Variants in ORAI2 observed in about 807,000 individuals in gnomAD.
The protein encoded by ORAI2 is protein orai-2.
ORAI2 carries 10 observed loss-of-function variants against 16.2 expected under a neutral mutation model. The observed-to-expected ratio is 0.62, with a 90% CI of 0.38 to 1.04. ORAI2 has a LOEUF of 1.04. Among genes scored for constraint, ORAI2 ranks in the 50% least tolerant of loss-of-function variants. The pLI is 0.01. For missense variants in ORAI2, 238 were observed against 355.5 expected (o/e 0.67, Z 2.66); for synonymous variants, 150 against 157.5 (o/e 0.95, Z 0.35).
At position 102,447,755 on chromosome 7, in the gene ORAI2, C is replaced by T. The variant is rs1437907133; in HGVS notation, c.*703C>T. The T allele has an allele frequency of 6.6e-6, 1 of 152,396 alleles. No individual in the cohort carries two copies. The highest frequency in any genetic ancestry group is 1.5e-5 in the Non-Finnish European group (1 of 68,186). 9.4% of individuals were successfully genotyped at this position (152,396 alleles called of 1,614,324 possible). On this transcript the variant is annotated 3_prime_UTR_variant, in exon 4 of 4. Transcript: ENST00000495936. The stretch of plus-strand genomic sequence containing the variant: ...AGAAGACATGTTCACGGGCATCTAT[C>T]AGATGCCCCCTTGAGGAGGCTGAGT...
chr7:102,436,790 A>G (rs1797070989), intron 2 of ORAI2, among the ~76,000 whole-genome samples: 1 of 151,980 alleles, frequency 6.6e-6, no homozygotes, highest in South Asian at 2.1e-4. Flanking sequence ...GGCTCACTGC[A>G]ACCTCCGCCT....
At chr7:102,446,210 A>G (rs1797358772) in intron 3 of ORAI2, among the ~76,000 whole-genome samples, 1 of 152,232 alleles carries the variant, frequency 6.6e-6, no homozygotes, top group African/African-American at 2.4e-5. Context: ...TGGCCTCTCA[A>G]AGTGCTGGGA....
At chr7:102,441,679 T>C (rs1025133437) in intron 3 of ORAI2, among the ~76,000 whole-genome samples, 1 of 152,072 alleles carries the variant, frequency 6.6e-6, no homozygotes, top group African/African-American at 2.4e-5. Context: ...TTTTGTTTTT[T>C]TCCCCCAAGT....
chr7:102,451,289 G>A lies in ORAI2; in HGVS notation c.*4237G>A, dbSNP rs1234520050. ...TCCTAATTTGGAGCACAGTCTTCCT[G>A]GTGCCTAGACATGCCAAGGCCCCTC... On this transcript the variant is annotated 3_prime_UTR_variant, in exon 4 of 4. Transcript: ENST00000495936. 4 of 151,544 alleles carry A rather than the reference G, an allele frequency of 2.6e-5. No individual in the cohort carries two copies. The highest frequency in any genetic ancestry group is 4.4e-5 in the Non-Finnish European group (3 of 67,978). The allele number at this position is 151,544 out of a possible 1,614,324, so 9.4% of individuals were successfully genotyped here.
At position 102,447,495 on chromosome 7, in the gene ORAI2, G is replaced by C. The variant is rs554259640; in HGVS notation, c.*443G>C. 5.7e-6 allele frequency: 1 copy of C among 174,278 alleles called. No homozygotes were observed. The highest frequency in any genetic ancestry group is 1.7e-4 in the East Asian group (1 of 5,840). The allele number at this position is 174,278 out of a possible 1,614,324, so 10.8% of individuals were successfully genotyped here. A position where few individuals can be genotyped will look rare whatever the true frequency, so the allele number is the denominator to read the frequency against. ...CCGTGGTGGACTTCATGGGTGCTGAGTGGCCCGTGTGACAGTGATGACACG... is the reference window on the plus strand; with the variant it reads ...CCGTGGTGGACTTCATGGGTGCTGACTGGCCCGTGTGACAGTGATGACACG... On this transcript the variant is annotated 3_prime_UTR_variant, in exon 4 of 4. Coordinates refer to ENST00000495936, the MANE Select transcript of ORAI2 (RefSeq NM_001126340.3).
At chr7:102,445,887 T>C (rs12540134) in intron 3 of ORAI2, among the ~76,000 whole-genome samples, 46 of 113,726 alleles carry the variant, frequency 4.0e-4, no homozygotes, top group East Asian at 1.3e-3. Flanking sequence ...TTCTCTCTCT[T>C]TCTTTCTCTC....
At position 102,447,321 on chromosome 7, in the gene ORAI2, C is replaced by T; in HGVS notation, c.*269C>T. Reference sequence around the variant, plus strand: ...GGTCGGGGACACGGTGAAGAGGCTCCAGCGGGACCTGCCCATCAGTCCTGG... The same window carrying T: ...GGTCGGGGACACGGTGAAGAGGCTCTAGCGGGACCTGCCCATCAGTCCTGG... On this transcript the variant is annotated 3_prime_UTR_variant, in exon 4 of 4. Transcript: ENST00000495936. 1 of 477,616 alleles carries T rather than the reference C, an allele frequency of 2.1e-6. No homozygotes were observed. The highest frequency in any genetic ancestry group is 2.8e-5 in the South Asian group (1 of 35,856). The allele number at this position is 477,616 out of a possible 1,614,324, so 29.6% of individuals were successfully genotyped here. A position where few individuals can be genotyped will look rare whatever the true frequency, so the allele number is the denominator to read the frequency against.
At chr7:102,443,682 G>A (rs764120089) in intron 3 of ORAI2, among the ~76,000 whole-genome samples, 1 of 151,892 alleles carries the variant, frequency 6.6e-6, no homozygotes, top group East Asian at 1.9e-4. Flanking sequence ...TTGTTTTTCG[G>A]CTCTGGTCCA....
In ORAI2 at chr7:102,451,126, G is replaced by C. The variant is rs1006926203; in HGVS notation, c.*4074G>C. On this transcript the variant is annotated 3_prime_UTR_variant, in exon 4 of 4. Coordinates refer to ENST00000495936, the MANE Select transcript of ORAI2 (RefSeq NM_001126340.3). The stretch of plus-strand genomic sequence containing the variant: ...AGAGGCAGGAGAATGGCGTGAACCC[G>C]GGAGGCGGAGGTTGCAGTGAGCCGA... 3.8e-4 allele frequency: 57 copies of C among 151,768 alleles called. No homozygotes were observed. The highest frequency in any genetic ancestry group is 1.4e-3 in the African/African-American group (57 of 41,278). 9.4% of individuals were successfully genotyped at this position (151,768 alleles called of 1,614,324 possible).
At chr7:102,444,219 A>G (rs909937839) in intron 3 of ORAI2, among the ~76,000 whole-genome samples, 2 of 151,948 alleles carry the variant, frequency 1.3e-5, no homozygotes, top group Non-Finnish European at 2.9e-5. Flanking sequence ...TCCGGGGCCC[A>G]GCCTTGTGAG....
In ORAI2 at chr7:102,438,751, C is replaced by T. The variant is rs545827491; in HGVS notation, c.-13-193C>T. Reference sequence around the variant, plus strand: ...TTGCCCCACTGCACTCCAGCCTGGACGACAGAGTGAGACACTGTCTCAAAA... The same window carrying T: ...TTGCCCCACTGCACTCCAGCCTGGATGACAGAGTGAGACACTGTCTCAAAA... On this transcript the variant is annotated intron_variant, in intron 2 of 3. Coordinates refer to ENST00000495936, the MANE Select transcript of ORAI2 (RefSeq NM_001126340.3). Among the ~76,000 whole-genome samples the T allele has an allele frequency of 7.9e-5, 12 of 152,282 alleles. No homozygotes were observed. In the South Asian group the frequency reaches 1.9e-3, roughly 24 times the overall value.
At chr7:102,438,810 G>A in intron 2 of ORAI2, 134 bp from the exon 3 acceptor site, 1 of 750,828 alleles carries the variant, frequency 1.3e-6, no homozygotes, top group African/African-American at 1.7e-5. Context: ...TTTAGGTCCT[G>A]GGCACTTTCT....
intron 3 of ORAI2, among the ~76,000 whole-genome samples, chr7:102,444,441 A>G (rs1797289564): frequency 6.6e-6 from 1 of 151,100 alleles, no homozygotes; most frequent in African/African-American, 2.4e-5. Flanking sequence ...TTCACAGAGA[A>G]AGAGTTTTGC....
At position 102,448,416 on chromosome 7, in the gene ORAI2, T is replaced by G. The variant is rs1238727045; in HGVS notation, c.*1364T>G. 6.6e-6 allele frequency: 1 copy of G among 152,202 alleles called. No homozygotes were observed. The highest frequency in any genetic ancestry group is 6.5e-5 in the Admixed American group (1 of 15,276). The allele number at this position is 152,202 out of a possible 1,614,324, so 9.4% of individuals were successfully genotyped here. A position where few individuals can be genotyped will look rare whatever the true frequency, so the allele number is the denominator to read the frequency against. Reference sequence around the variant, plus strand: ...ATGCCTTGTCTTTTGTTCTCATAAATAGTCACTGGGGCCGGGCGCAGTGAC... The same window carrying G: ...ATGCCTTGTCTTTTGTTCTCATAAAGAGTCACTGGGGCCGGGCGCAGTGAC... On this transcript the variant is annotated 3_prime_UTR_variant, in exon 4 of 4. Coordinates refer to ENST00000495936, the MANE Select transcript of ORAI2 (RefSeq NM_001126340.3).
rs1278870116 is a variant in ORAI2 at position 102,452,587 on chromosome 7, G to C, written c.*5535G>C. 1 of 151,976 alleles carries C rather than the reference G, an allele frequency of 6.6e-6. No homozygotes were observed. Among genetic ancestry groups the C allele is most frequent in the Non-Finnish European group, 1.5e-5 (1 of 68,032 alleles). The allele number at this position is 151,976 out of a possible 1,614,324, so 9.4% of individuals were successfully genotyped here. ...CAAGTAGCTACACTTGGGAGACTAC[G>C]GGCGCACACTACCATGCCCAGCTAA... On this transcript the variant is annotated 3_prime_UTR_variant, in exon 4 of 4. Coordinates refer to ENST00000495936, the MANE Select transcript of ORAI2 (RefSeq NM_001126340.3).
At chr7:102,437,154 A>G (rs932111683) in intron 2 of ORAI2, among the ~76,000 whole-genome samples, 2 of 152,230 alleles carry the variant, frequency 1.3e-5, no homozygotes, top group Admixed American at 6.5e-5. Flanking sequence ...CCAGATGTTT[A>G]CCAGGTGTGA....
At position 102,456,610 on chromosome 7, in the gene ORAI2, C is replaced by T. The variant is rs1214675457; in HGVS notation, c.*9558C>T. The T allele has an allele frequency of 6.6e-6, 1 of 152,196 alleles. No homozygotes were observed. The highest frequency in any genetic ancestry group is 2.4e-5 in the African/African-American group (1 of 41,448). The allele number at this position is 152,196 out of a possible 1,614,324, so 9.4% of individuals were successfully genotyped here. Reference sequence around the variant, plus strand: ...AAGGAGGCTCTCAGATTTCCCTGCCCTCCTCACATCCCCCAACCCTCCCTG... The same window carrying T: ...AAGGAGGCTCTCAGATTTCCCTGCCTTCCTCACATCCCCCAACCCTCCCTG... On this transcript the variant is annotated 3_prime_UTR_variant, in exon 4 of 4. Transcript: ENST00000495936.
chr7:102,447,468 A>C lies in ORAI2; in HGVS notation c.*416A>C. The C allele has an allele frequency of 5.2e-6, 1 of 191,580 alleles. No individual in the cohort carries two copies. The allele number at this position is 191,580 out of a possible 1,614,324, so 11.9% of individuals were successfully genotyped here. A position where few individuals can be genotyped will look rare whatever the true frequency, so the allele number is the denominator to read the frequency against. On this transcript the variant is annotated 3_prime_UTR_variant, in exon 4 of 4. Coordinates refer to ENST00000495936, the MANE Select transcript of ORAI2 (RefSeq NM_001126340.3). ...CGTTCAGAGAAGGATTGCCCCAGAGACCCGTGGTGGACTTCATGGGTGCTG... is the reference window on the plus strand; with the variant it reads ...CGTTCAGAGAAGGATTGCCCCAGAGCCCCGTGGTGGACTTCATGGGTGCTG...
chr7:102,438,448 A>AAAT (rs1797115203), intron 2 of ORAI2, among the ~76,000 whole-genome samples: 1 of 152,226 alleles, frequency 6.6e-6, no homozygotes, highest in Admixed American at 6.5e-5. Flanking sequence ...GCTCAGAATC[A>AAAT]CACAGTAGAG....
Sources: gnomAD v4.1 joint callset for allele counts (sites outside exome capture counted in the v4.1 genomes callset) on GRCh38, gnomAD v4.1.1 for gene constraint, MANE v1.5 for transcripts, NCBI Gene and HGNC (gene_info 2026-07-23, HGNC 2026-07-21) for gene names.